Variants in VWDE observed in about 807,000 individuals in gnomAD.
The protein encoded by VWDE is von Willebrand factor D and EGF domain-containing protein.
VWDE carries 207 observed loss-of-function variants against 178.4 expected under a neutral mutation model. That is an observed-to-expected ratio of 1.16 (90% CI 1.04 to 1.30). VWDE has a LOEUF of 1.30. Among genes scored for constraint, VWDE ranks in the 50% most tolerant of loss-of-function variants. The pLI, the probability that VWDE is intolerant of heterozygous loss-of-function variation, is 0.00. For synonymous variants in VWDE, 738 were observed against 651.4 expected (o/e 1.13, Z -2.02); for missense variants, 2,287 against 1,901.3 (o/e 1.20, Z -3.77).
chr7:12,341,112 A>C (rs950477090), intron 23 of VWDE, among the ~76,000 whole-genome samples: 1 of 152,062 alleles, frequency 6.6e-6, no homozygotes, highest in African/African-American at 2.4e-5. Context: ...ATCATAACTC[A>C]ACTTGTATCA....
chr7:12,382,019 T>C (rs1405430329), intron 4 of VWDE, among the ~76,000 whole-genome samples: 1 of 151,840 alleles, frequency 6.6e-6, no homozygotes, highest in African/African-American at 2.4e-5. Context: ...ATAAATTATG[T>C]CTACTTAGAA....
chr7:12,378,938 G>C (rs1476151659), intron 6 of VWDE, among the ~76,000 whole-genome samples: 1 of 152,134 alleles, frequency 6.6e-6, no homozygotes, highest in African/African-American at 2.4e-5. Context: ...TGGACCGTTT[G>C]ATATTGCCCC....
At chr7:12,375,406 A>C (rs1274972282) in intron 7 of VWDE, among the ~76,000 whole-genome samples, 179 bp from the exon 8 acceptor site, 3 of 152,076 alleles carry the variant, frequency 2.0e-5, no homozygotes, top group African/African-American at 7.2e-5. Context: ...AATCTACCTG[A>C]TTTTTACAAA....
At chr7:12,396,972 C>T (rs1784657384) in intron 1 of VWDE, among the ~76,000 whole-genome samples, 2 of 151,546 alleles carry the variant, frequency 1.3e-5, no homozygotes, top group Admixed American at 1.3e-4. Context: ...GAATCAATGT[C>T]ATAAAAATGG....
intron 18 of VWDE, chr7:12,354,449 T>C (rs1782112547): frequency 4.7e-6 from 2 of 427,036 alleles, no homozygotes; most frequent in Non-Finnish European, 9.3e-6. Context: ...AAGCAAGGCT[T>C]GGAGTCACAC....
intron 1 of VWDE, among the ~76,000 whole-genome samples, chr7:12,400,706 G>A (rs899708169): frequency 2.6e-5 from 4 of 151,906 alleles, no homozygotes; most frequent in African/African-American, 4.8e-5. Flanking sequence ...GTACGAGCCC[G>A]GTATTATAGC....
At chr7:12,400,155 A>T (rs1751536542) in intron 1 of VWDE, among the ~76,000 whole-genome samples, 1 of 152,128 alleles carries the variant, frequency 6.6e-6, no homozygotes, top group Admixed American at 6.6e-5. Flanking sequence ...TTGCACCTTA[A>T]GACACTGTAA....
chr7:12,345,453 A>C (rs1290592285), intron 19 of VWDE, among the ~76,000 whole-genome samples: 1 of 152,194 alleles, frequency 6.6e-6, no homozygotes, highest in Non-Finnish European at 1.5e-5. Context: ...GGAAGTGACC[A>C]TCTGAGCTTG....
chr7:12,383,199 C>T (rs1783939743), intron 4 of VWDE, among the ~76,000 whole-genome samples: 2 of 152,030 alleles, frequency 1.3e-5, no homozygotes, highest in African/African-American at 4.8e-5. Context: ...ATTGTGTTCG[C>T]ACACTTCCCT....
At chr7:12,375,657 T>C (rs1562501352) in intron 7 of VWDE, among the ~76,000 whole-genome samples, 1 of 152,034 alleles carries the variant, frequency 6.6e-6, no homozygotes, top group African/African-American at 2.4e-5. Context: ...GTGTTCATGT[T>C]CCATCCATTG....
Position 12,331,085 on chromosome 7 carries a change from A to T in VWDE, c.*98T>A. 2.2e-6 allele frequency: 2 copies of T among 892,776 alleles called. No individual in the cohort carries two copies. Among genetic ancestry groups the T allele is most frequent in the Non-Finnish European group, 1.7e-6 (1 of 586,086 alleles). 55.3% of individuals were successfully genotyped at this position (892,776 alleles called of 1,614,324 possible). A position where few individuals can be genotyped will look rare whatever the true frequency, so the allele number is the denominator to read the frequency against. On this transcript the variant is annotated 3_prime_UTR_variant, in exon 29 of 29. Coordinates refer to ENST00000275358, the MANE Select transcript of VWDE (RefSeq NM_001135924.3). ...CTTCAGTCTTTAAGATATTTTTTGAATGATGTTCAAATAAACTCCAAGTTA... is the reference window on the plus strand; with the variant it reads ...CTTCAGTCTTTAAGATATTTTTTGATTGATGTTCAAATAAACTCCAAGTTA...
intron 1 of VWDE, among the ~76,000 whole-genome samples, chr7:12,397,666 A>G (rs1369619742): frequency 6.6e-6 from 1 of 152,188 alleles, no homozygotes; most frequent in Non-Finnish European, 1.5e-5. Flanking sequence ...CAAACTACGC[A>G]TCTGAAAAAG....
rs200508473 is a variant in VWDE at position 12,333,505 on chromosome 7, C to A, written c.4718G>T (p.Arg1573Leu). The A allele has an allele frequency of 1.3e-6, 2 of 1,550,700 alleles. No homozygotes were observed. Among genetic ancestry groups the A allele is most frequent in the East Asian group, 2.4e-5 (1 of 40,888 alleles). The change falls in exon 28 of 29, where the codon CGC becomes CTC. Residue 1573 changes from arginine to leucine, a missense_variant. Transcript: ENST00000275358. ...RCIFPNVCSC[R>L]TEYSGVKCEK... The stretch of plus-strand genomic sequence containing the variant: ...ACATTTGACTCCAGAGTATTCAGTG[C>A]GGCAGGAACACACATTGGGAAATAT...
At chr7:12,354,484 T>C (rs1562477673) in intron 18 of VWDE, 1 of 385,640 alleles carries the variant, frequency 2.6e-6, no homozygotes, top group Non-Finnish European at 5.0e-6. Flanking sequence ...CTGGCAATTT[T>C]TGCCTGTATA....
At chr7:12,348,730 A>G (rs1390467586) in intron 19 of VWDE, among the ~76,000 whole-genome samples, 1 of 150,708 alleles carries the variant, frequency 6.6e-6, no homozygotes, top group Non-Finnish European at 1.5e-5. Flanking sequence ...TACTGGGTAT[A>G]TACCCAAAGG....
chr7:12,343,191 A>G lies in VWDE; in HGVS notation c.4079-13T>C, dbSNP rs1339137466. The G allele has an allele frequency of 9.8e-6, 15 of 1,523,978 alleles. No homozygotes were observed. The highest frequency in any genetic ancestry group is 1.2e-5 in the Non-Finnish European group (14 of 1,125,602). The allele number at this position is 1,523,978 out of a possible 1,614,324, so 94.4% of individuals were successfully genotyped here. ...GGGTTACAATGTTCTGCAGAAACAGATTATGTTATTATGTCAGTTCTTAAT... is the reference window on the plus strand; with the variant it reads ...GGGTTACAATGTTCTGCAGAAACAGGTTATGTTATTATGTCAGTTCTTAAT... On this transcript the variant is annotated splice_polypyrimidine_tract_variant and intron_variant, in intron 21 of 28. Transcript: ENST00000275358.
At chr7:12,372,667 A>T (rs1783270402) in intron 10 of VWDE, among the ~76,000 whole-genome samples, 1 of 152,104 alleles carries the variant, frequency 6.6e-6, no homozygotes, top group East Asian at 1.9e-4. Flanking sequence ...ATTTGTTCTT[A>T]ATTATGTCTG....
intron 1 of VWDE, 23 bp downstream of exon 1, chr7:12,403,636 C>A (rs1019376505): frequency 6.5e-7 from 1 of 1,533,892 alleles, no homozygotes; most frequent in African/African-American, 1.4e-5. Flanking sequence ...CGCGCCCACC[C>A]CCGCGCGCCC....
Position 12,369,524 on chromosome 7 carries a change from AC to A in VWDE, c.2761+20del. 1 of 1,493,218 alleles carries A rather than the reference AC, an allele frequency of 6.7e-7. No individual in the cohort carries two copies. Among genetic ancestry groups the A allele is most frequent in the Non-Finnish European group, 9.0e-7 (1 of 1,116,540 alleles). 92.5% of individuals were successfully genotyped at this position (1,493,218 alleles called of 1,614,324 possible). A position where few individuals can be genotyped will look rare whatever the true frequency, so the allele number is the denominator to read the frequency against. On this transcript the variant is annotated intron_variant, in intron 12 of 28. Coordinates refer to ENST00000275358, the MANE Select transcript of VWDE (RefSeq NM_001135924.3). ...AATGAAATATCACATGCAATATCAA[AC>A]TTTGAGAGTACTTACTTACCATAGG...
Sources: gnomAD v4.1 joint callset for allele counts (sites outside exome capture counted in the v4.1 genomes callset) on GRCh38, gnomAD v4.1.1 for gene constraint, MANE v1.5 for transcripts, NCBI Gene and HGNC (gene_info 2026-07-23, HGNC 2026-07-21) for gene names.